The following DOCK4 variants were observed in gnomAD, a reference collection of about 807,000 sequenced individuals.
The protein encoded by DOCK4 is dedicator of cytokinesis protein 4.
A neutral mutation model predicts 268.1 loss-of-function variants in DOCK4; 97 were observed. The ratio of observed to expected loss-of-function variants is 0.36; its 90% CI spans 0.31 to 0.43. DOCK4 has a LOEUF of 0.43. Among genes scored for constraint, DOCK4 ranks in the 20% least tolerant of loss-of-function variants. DOCK4 has a pLI of 1.00. For missense variants in DOCK4, 2,145 were observed against 2,455.7 expected (o/e 0.87, Z 2.67); for synonymous variants, 954 against 887.2 (o/e 1.08, Z -1.34).
intron 1 of DOCK4, among the ~76,000 whole-genome samples, chr7:112,115,523 T>C (rs562445488): frequency 3.3e-5 from 5 of 152,316 alleles, no homozygotes; most frequent in Admixed American, 6.5e-5. Flanking sequence ...CGCTTCAGAC[T>C]CCTTGGAGGT....
intron 16 of DOCK4, among the ~76,000 whole-genome samples, chr7:111,884,211 G>T (rs890787540): frequency 3.9e-5 from 6 of 152,110 alleles, no homozygotes; most frequent in Non-Finnish European, 8.8e-5. Flanking sequence ...TACAAATACT[G>T]GAGATTTTTA....
At chr7:112,147,019 T>C (rs868492688) in intron 1 of DOCK4, among the ~76,000 whole-genome samples, 4 of 152,232 alleles carry the variant, frequency 2.6e-5, no homozygotes, top group Admixed American at 6.5e-5. Flanking sequence ...ATAACTATCA[T>C]GTATTTATTT....
intron 1 of DOCK4, among the ~76,000 whole-genome samples, chr7:112,048,668 A>G (rs1586716968): frequency 2.0e-5 from 3 of 152,118 alleles, no homozygotes; most frequent in Non-Finnish European, 2.9e-5. Flanking sequence ...AAATAATACA[A>G]TCAAGAATCA....
intron 1 of DOCK4, among the ~76,000 whole-genome samples, chr7:112,063,313 T>C (rs1166882837): frequency 1.3e-5 from 2 of 152,184 alleles, no homozygotes; most frequent in African/African-American, 4.8e-5. Context: ...CCACCACATA[T>C]AATACAGATG....
intron 1 of DOCK4, among the ~76,000 whole-genome samples, chr7:112,179,996 G>A (rs1174047481): frequency 2.0e-5 from 3 of 152,108 alleles, no homozygotes; most frequent in African/African-American, 7.2e-5. Flanking sequence ...CACAGCATCA[G>A]TTTCTTATTC....
chr7:112,070,563 G>C (rs1807492713), intron 1 of DOCK4, among the ~76,000 whole-genome samples: 1 of 152,148 alleles, frequency 6.6e-6, no homozygotes, highest in Admixed American at 6.5e-5. Flanking sequence ...TATTTAAGGA[G>C]TAGTTGAATA....
intron 7 of DOCK4, among the ~76,000 whole-genome samples, chr7:111,983,840 ACACACGCGCGCGCGCGCGCGCG>A (rs772524356): frequency 0.012 from 1,082 of 92,214 alleles, 16 homozygotes; most frequent in African/African-American, 0.043. Flanking sequence ...GTATGTACAC[ACACACGCGCGCGCGCGCGCGCG>A]CACACACACA....
intron 8 of DOCK4, among the ~76,000 whole-genome samples, chr7:111,958,831 A>T (rs1356976756): frequency 2.0e-5 from 3 of 152,242 alleles, no homozygotes; most frequent in Non-Finnish European, 4.4e-5. Context: ...GGGTGCTCTC[A>T]GTATGAATAA....
chr7:112,113,876 G>A (rs1293021694), intron 1 of DOCK4, among the ~76,000 whole-genome samples: 1 of 149,506 alleles, frequency 6.7e-6, no homozygotes, highest in East Asian at 2.0e-4. Context: ...ATACAGGCAT[G>A]AGCCACCATG....
intron 10 of DOCK4, among the ~76,000 whole-genome samples, chr7:111,942,714 C>A (rs1795307773): frequency 6.6e-6 from 1 of 152,162 alleles, no homozygotes; most frequent in Admixed American, 6.6e-5. Context: ...CCCCGCCACT[C>A]TGGCTTATAC....
At chr7:111,898,373 T>C (rs1049909322) in intron 15 of DOCK4, among the ~76,000 whole-genome samples, 2 of 152,238 alleles carry the variant, frequency 1.3e-5, no homozygotes, top group Admixed American at 6.5e-5. Context: ...GCGAAGTCTT[T>C]CCTGACTGCC....
rs188149102 is a variant in DOCK4 at position 111,741,192 on chromosome 7, T to G, written c.4942A>C (p.Asn1648His). Reference protein sequence around the residue: ...RRSPLSYPAVNRYSSSSLSSQ... With the variant: ...RRSPLSYPAVHRYSSSSLSSQ... ...GACAGTGAGGAGGAAGAATATCGGT[T>G]GACAGCTGGGTAACTTAACGGGCTG... The change falls in exon 47 of 53, where the codon AAC becomes CAC. Residue 1648 changes from asparagine (N) to histidine (H), a missense_variant. Around this residue, in one of 2 missense-constraint regions of DOCK4, gnomAD observed 547 missense variants for 469.0 expected, o/e 1.17. Coordinates refer to ENST00000428084, the MANE Select transcript of DOCK4 (RefSeq NM_001363540.2). 1 of 1,613,944 alleles carries G rather than the reference T, an allele frequency of 6.2e-7. No individual in the cohort carries two copies. The highest frequency in any genetic ancestry group is 1.1e-5 in the South Asian group (1 of 91,082).
At chr7:111,935,010 A>G (rs567440510) in intron 12 of DOCK4, among the ~76,000 whole-genome samples, 100 of 151,624 alleles carry the variant, frequency 6.6e-4, no homozygotes, top group African/African-American at 2.4e-3. Context: ...GCAATGGCAC[A>G]ATCTCAGCTC....
chr7:111,951,191 G>A (rs1321244834), intron 8 of DOCK4, among the ~76,000 whole-genome samples: 1 of 152,100 alleles, frequency 6.6e-6, no homozygotes, highest in Non-Finnish European at 1.5e-5. Context: ...GATGAAATCA[G>A]GATAATGAAA....
intron 22 of DOCK4, among the ~76,000 whole-genome samples, chr7:111,866,133 C>T (rs4291190): frequency 0.43 from 65,307 of 152,024 alleles, 14,547 homozygotes; most frequent in African/African-American, 0.55. Flanking sequence ...TCATTTGTTA[C>T]ACAGCAATAG....
intron 23 of DOCK4, among the ~76,000 whole-genome samples, chr7:111,850,199 T>G (rs1804433170): frequency 6.6e-6 from 1 of 152,146 alleles, no homozygotes; most frequent in Non-Finnish European, 1.5e-5. Context: ...GATATCTGAT[T>G]GGGTTCCTCA....
At chr7:112,164,455 GAATT>G (rs975300748) in intron 1 of DOCK4, among the ~76,000 whole-genome samples, 2 of 152,056 alleles carry the variant, frequency 1.3e-5, no homozygotes, top group African/African-American at 4.8e-5. Context: ...TTTGAAAACT[GAATT>G]AATAATAATA....
intron 22 of DOCK4, 80 bp from the exon 23 acceptor site, chr7:111,863,644 A>G (rs1805741136): frequency 8.6e-6 from 12 of 1,389,764 alleles, no homozygotes; most frequent in Non-Finnish European, 1.1e-5. Context: ...GAGTTTAAGG[A>G]CCGTGGCAAG....
At chr7:112,047,452 G>A (rs57216672) in intron 1 of DOCK4, among the ~76,000 whole-genome samples, 7,630 of 152,020 alleles carry the variant, frequency 0.05, 575 homozygotes, top group African/African-American at 0.17. Context: ...CAAAGACATT[G>A]GAATAGTATT....
Sources: gnomAD v4.1 joint callset for allele counts (sites outside exome capture counted in the v4.1 genomes callset) on GRCh38, gnomAD v4.1.1 for gene constraint, gnomAD v4.1.1 regional missense constraint, MANE v1.5 for transcripts, NCBI Gene and HGNC (gene_info 2026-07-23, HGNC 2026-07-21) for gene names.